The following TMIGD3 variants were observed in gnomAD, a reference collection of about 807,000 sequenced individuals.
TMIGD3 encodes AD026 protein (AD026).
TMIGD3 carries 21 observed loss-of-function variants against 28.1 expected under a neutral mutation model. That is an observed-to-expected ratio of 0.75 (90% confidence interval 0.53 to 1.08). The LOEUF (loss-of-function observed/expected upper bound fraction) is 1.08. Ranked by LOEUF, TMIGD3 falls within the 50% of genes least tolerant of loss-of-function variation. The pLI, the probability that TMIGD3 is intolerant of heterozygous loss-of-function variation, is 0.00. For missense variants in TMIGD3, 416 were observed against 435.6 expected, an observed-to-expected ratio of 0.96 and a Z score of 0.40; for synonymous variants, 151 against 162.1, an observed-to-expected ratio of 0.93 and a Z score of 0.52.
intron 1 of TMIGD3, among the ~76,000 whole-genome samples, chr1:111,540,624 C>T (rs1656790738): frequency 6.6e-6 from 1 of 152,192 alleles, no homozygotes; most frequent in Non-Finnish European, 1.5e-5. Flanking sequence ...TCCTGACTGC[C>T]AGTCATGCAA....
intron 1 of TMIGD3, among the ~76,000 whole-genome samples, chr1:111,519,677 G>A (rs962956242): frequency 2.0e-5 from 3 of 150,978 alleles, no homozygotes; most frequent in Non-Finnish European, 3.0e-5. Flanking sequence ...TTCCCTCCCC[G>A]AGCTTAGTGC....
At chr1:111,522,641 T>A (rs750074884) in intron 1 of TMIGD3, among the ~76,000 whole-genome samples, 1 of 151,794 alleles carries the variant, frequency 6.6e-6, no homozygotes, top group Non-Finnish European at 1.5e-5. Flanking sequence ...CTCAGCCTCC[T>A]GAGTAGCTGG....
At position 111,503,406 on chromosome 1, in the gene TMIGD3, T is replaced by C. The variant is rs1655359018; in HGVS notation, c.-52A>G. On this transcript the variant is annotated 5_prime_UTR_variant, in exon 1 of 6. Coordinates refer to ENST00000369716, the MANE Select transcript of TMIGD3 (RefSeq NM_020683.7). ...GGGACAGGTGAGCCAGCAAGATCCG[T>C]CTGTAGGGCCAGTGGGCCTAGCTCT... 1 of 1,548,994 alleles carries C rather than the reference T, an allele frequency of 6.5e-7. No individual in the cohort carries two copies. The highest frequency in any genetic ancestry group is 8.7e-7 in the Non-Finnish European group (1 of 1,143,174).
intron 1 of TMIGD3, among the ~76,000 whole-genome samples, chr1:111,558,105 A>C (rs1351639143): frequency 6.6e-6 from 1 of 152,192 alleles, no homozygotes; most frequent in Non-Finnish European, 1.5e-5. Flanking sequence ...TAGATAATAG[A>C]AATTAATTTA....
chr1:111,554,045 A>G (rs1368596444), intron 1 of TMIGD3, among the ~76,000 whole-genome samples: 1 of 152,266 alleles, frequency 6.6e-6, no homozygotes, highest in African/African-American at 2.4e-5. Flanking sequence ...GGTTACGTGC[A>G]TATGCACTAA....
At chr1:111,545,581 T>G (rs1182931392) in intron 1 of TMIGD3, among the ~76,000 whole-genome samples, 1 of 152,160 alleles carries the variant, frequency 6.6e-6, no homozygotes, top group Non-Finnish European at 1.5e-5. Flanking sequence ...TTTGTACTTT[T>G]ACTTTCTTGC....
At chr1:111,506,962 TATAC>T (rs1423170517), upstream of TMIGD3, among the ~76,000 whole-genome samples, 49 of 146,746 alleles carry the variant, frequency 3.3e-4, no homozygotes, top group South Asian at 8.4e-4. Context: ...CACATATATA[TATAC>T]ACACACACAC....
chr1:111,519,016 G>A (rs967714522), intron 1 of TMIGD3, among the ~76,000 whole-genome samples: 8 of 152,112 alleles, frequency 5.3e-5, no homozygotes, highest in Admixed American at 1.3e-4. Flanking sequence ...TTGACTCACC[G>A]CAACCTCTGC....
At chr1:111,493,053 T>C (rs1654739773) in intron 1 of TMIGD3, among the ~76,000 whole-genome samples, 1 of 152,186 alleles carries the variant, frequency 6.6e-6, no homozygotes, top group African/African-American at 2.4e-5. Context: ...AATAACTTAA[T>C]ATCTAAAATT....
At chr1:111,523,117 T>C (rs1242144203) in intron 1 of TMIGD3, among the ~76,000 whole-genome samples, 1 of 152,196 alleles carries the variant, frequency 6.6e-6, no homozygotes, top group Non-Finnish European at 1.5e-5. Flanking sequence ...TTTGTTGTAG[T>C]TTTTTCACAG....
intron 1 of TMIGD3, among the ~76,000 whole-genome samples, chr1:111,547,151 T>G (rs1339894849): frequency 1.3e-5 from 2 of 152,210 alleles, no homozygotes; most frequent in Non-Finnish European, 2.9e-5. Flanking sequence ...GTAGTGAGAA[T>G]AGTAATTTTC....
intron 1 of TMIGD3, among the ~76,000 whole-genome samples, chr1:111,553,602 C>A (rs1257841196): frequency 5.9e-5 from 9 of 152,164 alleles, no homozygotes; most frequent in Non-Finnish European, 1.0e-4. Flanking sequence ...ATCTAAATTT[C>A]TTTATCTGGC....
intron 1 of TMIGD3, among the ~76,000 whole-genome samples, chr1:111,519,898 G>T (rs1190217834): frequency 1.3e-5 from 2 of 151,952 alleles, no homozygotes; most frequent in Non-Finnish European, 2.9e-5. Context: ...TCACCATATC[G>T]TCCAGGCTGG....
intron 1 of TMIGD3, among the ~76,000 whole-genome samples, chr1:111,539,835 T>C (rs2101022391): frequency 6.6e-6 from 1 of 152,340 alleles, no homozygotes; most frequent in East Asian, 1.9e-4. Flanking sequence ...AGGCTGGTGA[T>C]GCAGTGACAG....
chr1:111,506,897 A>AT (rs1553201726), upstream of TMIGD3, among the ~76,000 whole-genome samples: 70 of 131,458 alleles, frequency 5.3e-4, no homozygotes, highest in African/African-American at 8.6e-4. Context: ...AAAAACAAAA[A>AT]ATATATATAT....
At chr1:111,500,560 T>C (rs779415581) in intron 1 of TMIGD3, 16 of 1,612,974 alleles carry the variant, frequency 9.9e-6, no homozygotes, top group South Asian at 3.3e-5. Context: ...CTTGTATCTG[T>C]GTGAATGAAG....
intron 1 of TMIGD3, among the ~76,000 whole-genome samples, chr1:111,548,693 C>T (rs968275278): frequency 1.3e-5 from 2 of 152,176 alleles, no homozygotes; most frequent in African/African-American, 2.4e-5. Flanking sequence ...GGTCTGCCAC[C>T]GTAGGCTTCA....
rs187967839 is a variant in TMIGD3 at position 111,563,805 on chromosome 1, A to G, written c.107+41T>C. 111 of 1,538,624 alleles carry G rather than the reference A, an allele frequency of 7.2e-5. No homozygotes were observed. The African/African-American group carries it at 1.1e-3, about 15-fold the overall frequency. ...GGTCAGTATGCAGACTCAGACCCCA[A>G]CCTCTGCCTCCCAGCAGCTATATTT... On this transcript the variant is annotated intron_variant, in intron 1 of 5. Transcript: ENST00000369717.
At chr1:111,549,062 C>T (rs573172545) in intron 1 of TMIGD3, among the ~76,000 whole-genome samples, 36 of 152,228 alleles carry the variant, frequency 2.4e-4, no homozygotes, top group African/African-American at 8.4e-4. Flanking sequence ...TTTTCATATG[C>T]TACTGAAGTC....
Sources: gnomAD v4.1 joint callset for allele counts (sites outside exome capture counted in the v4.1 genomes callset) on GRCh38, gnomAD v4.1.1 for gene constraint, MANE v1.5 for transcripts, NCBI Gene and HGNC (gene_info 2026-07-23, HGNC 2026-07-21) for gene names.